PCMT1: variants seen among roughly 807,000 people sequenced by gnomAD.
PCMT1 encodes protein-L-isoaspartate(D-aspartate) O-methyltransferase.
A neutral mutation model predicts 29.2 loss-of-function variants in PCMT1; 9 were observed. That is an observed-to-expected ratio of 0.31 (90% confidence interval 0.19 to 0.54). The LOEUF (loss-of-function observed/expected upper bound fraction) is 0.54, where lower values mean the gene tolerates loss of function less well. Among genes scored for constraint, PCMT1 ranks in the 20% least tolerant of loss-of-function variants. The pLI, the probability that PCMT1 is intolerant of heterozygous loss-of-function variation, is 0.95. For synonymous variants in PCMT1, 98 were observed against 97.5 expected, an observed-to-expected ratio of 1.00 and a Z score of -0.03; for missense variants, 184 against 282.2, an observed-to-expected ratio of 0.65 and a Z score of 2.49.
Position 149,751,964 on chromosome 6 carries a change from C to G in PCMT1, c.55+2008C>G, listed in dbSNP as rs144713977. Among the ~76,000 whole-genome samples, 11 of 150,420 alleles carry G rather than the reference C, an allele frequency of 7.3e-5. No individual in the cohort carries two copies. In the East Asian group the frequency reaches 2.2e-3, roughly 29 times the overall value. ...CTCGGCTCACTGCAACCCCTGCTTT[C>G]TGTGCTCAAGCGATTTTCCCACTTC... is the stretch of plus-strand genomic sequence containing the variant. On this transcript the variant is annotated intron_variant, in intron 1 of 7. Coordinates refer to ENST00000464889, the MANE Select transcript of PCMT1 (RefSeq NM_001360452.2).
At chr6:149,802,471 A>G (rs1775867596) in intron 7 of PCMT1, 55 bp downstream of exon 7, 6 of 1,390,212 alleles carry the variant, frequency 4.3e-6, no homozygotes, top group Non-Finnish European at 5.6e-6. Context: ...TTTGGTTGTC[A>G]CCTTTATGCT....
At chr6:149,807,670 CTATTTT>C (rs1394775452) in intron 7 of PCMT1, among the ~76,000 whole-genome samples, 4 of 152,184 alleles carry the variant, frequency 2.6e-5, no homozygotes, top group African/African-American at 7.2e-5. Flanking sequence ...CACACCCAGA[CTATTTT>C]TGTTTTTAGT....
chr6:149,773,639 A>G (rs1019605650), intron 3 of PCMT1, among the ~76,000 whole-genome samples: 4 of 152,194 alleles, frequency 2.6e-5, no homozygotes, highest in African/African-American at 9.6e-5. Context: ...TCGGCCTCCC[A>G]AAGTGCTGGG....
chr6:149,759,588 T>C (rs1261724935), intron 1 of PCMT1, among the ~76,000 whole-genome samples: 3 of 152,004 alleles, frequency 2.0e-5, no homozygotes, highest in African/African-American at 7.2e-5. Context: ...TCCGCCTCCC[T>C]TGTTCAAGTG....
At chr6:149,754,886 G>A (rs1188674811) in intron 1 of PCMT1, among the ~76,000 whole-genome samples, 2 of 152,110 alleles carry the variant, frequency 1.3e-5, no homozygotes, top group African/African-American at 4.8e-5. Flanking sequence ...CTTAATAATG[G>A]ACCCAAAGTG....
intron 3 of PCMT1, among the ~76,000 whole-genome samples, chr6:149,779,307 G>A (rs1787714619): frequency 6.6e-6 from 1 of 152,126 alleles, no homozygotes; most frequent in African/African-American, 2.4e-5. Flanking sequence ...GCTTCTGCAA[G>A]TACCCTTCCT....
Position 149,810,903 on chromosome 6 carries a change from G to A in PCMT1, c.*325G>A, listed in dbSNP as rs1202263959. On this transcript the variant is annotated 3_prime_UTR_variant, in exon 8 of 8. Transcript: ENST00000464889. ...ATTAAAAGAAAGGGTTCTGTAAAAT[G>A]GAAAACTTAGTTTGTGAATTGATTT... The A allele has an allele frequency of 3.0e-6, 1 of 330,394 alleles. No homozygotes were observed. Among genetic ancestry groups the A allele is most frequent in the Non-Finnish European group, 5.5e-6 (1 of 183,056 alleles). 20.5% of individuals were successfully genotyped at this position (330,394 alleles called of 1,614,324 possible). A position where few individuals can be genotyped will look rare whatever the true frequency, so the allele number is the denominator to read the frequency against.
At chr6:149,751,476 C>CTTTTTTTTTTT (rs76128652) in intron 1 of PCMT1, among the ~76,000 whole-genome samples, 1 of 116,558 alleles carries the variant, frequency 8.6e-6, no homozygotes, top group Non-Finnish European at 1.7e-5. Flanking sequence ...ATGGTTGGTA[C>CTTTTTTTTTTT]TTTTTTTTTT....
Position 149,805,936 on chromosome 6 carries a change from T to C in PCMT1, c.*37+3520T>C, listed in dbSNP as rs894516662. ...AACCTGGCGACAGAGTAAGACTCTG[T>C]CTCAAAAAAAAAAAAAAAAAATTGA... On this transcript the variant is annotated intron_variant, in intron 7 of 7. Coordinates refer to ENST00000464889, the MANE Select transcript of PCMT1 (RefSeq NM_001360452.2). Among the ~76,000 whole-genome samples, 4 of 123,272 alleles carry C rather than the reference T, an allele frequency of 3.2e-5. No individual in the cohort carries two copies. The East Asian group carries it at 9.6e-4, about 29-fold the overall frequency. 80.9% of individuals were successfully genotyped at this position (123,272 alleles called of 152,430 possible). A position where few individuals can be genotyped will look rare whatever the true frequency, so the allele number is the denominator to read the frequency against.
chr6:149,776,897 T>C (rs1342578739), intron 3 of PCMT1, among the ~76,000 whole-genome samples: 1 of 152,194 alleles, frequency 6.6e-6, no homozygotes, highest in African/African-American at 2.4e-5. Context: ...TGGCAGTATC[T>C]ATCGAAATGT....
chr6:149,809,258 C>CAA (rs1209712068), intron 7 of PCMT1, among the ~76,000 whole-genome samples: 632 of 45,440 alleles, frequency 0.014, 81 homozygotes, highest in African/African-American at 0.039. Flanking sequence ...GACTCTGTCT[C>CAA]AAAAAAAAAA....
chr6:149,785,450 C>T lies in PCMT1; in HGVS notation c.193-4504C>T, dbSNP rs1423886548. On this transcript the variant is annotated intron_variant, in intron 3 of 7. Transcript: ENST00000464889. Reference sequence around the variant, plus strand: ...TTATTGATCATTCTTGGGTGTTTCTCGCAGAGGGGGATTTGGCAGGGTCAT... The same window carrying T: ...TTATTGATCATTCTTGGGTGTTTCTTGCAGAGGGGGATTTGGCAGGGTCAT... Among the ~76,000 whole-genome samples the T allele has an allele frequency of 1.3e-4, 18 of 142,552 alleles. No individual in the cohort carries two copies. In the South Asian group the frequency reaches 3.9e-3, roughly 31 times the overall value. The allele number at this position is 142,552 out of a possible 152,430, so 93.5% of individuals were successfully genotyped here.
chr6:149,795,570 CA>C, intron 5 of PCMT1: 1 of 522,596 alleles, frequency 1.9e-6, no homozygotes, highest in Admixed American at 2.5e-5. Flanking sequence ...CAACTTTACA[CA>C]ACCCAATGAG....
intron 7 of PCMT1, among the ~76,000 whole-genome samples, chr6:149,808,871 C>A (rs1230527995): frequency 6.6e-6 from 1 of 151,814 alleles, no homozygotes; most frequent in Non-Finnish European, 1.5e-5. Flanking sequence ...CTCCTGACCT[C>A]ATGATCCGCC....
rs1343752042 is a variant in PCMT1, at chr6:149,749,852, C to T, written c.-50C>T. ...TCACTCTTGGGAAAACTGCTGGGCA[C>T]CGTCGTCGCGCTGAAGGTGGTTCTG... is the stretch of plus-strand genomic sequence containing the variant. On this transcript the variant is annotated 5_prime_UTR_variant, in exon 1 of 8. Coordinates refer to ENST00000464889, the MANE Select transcript of PCMT1 (RefSeq NM_001360452.2). 2.5e-6 allele frequency: 4 copies of T among 1,586,498 alleles called. No individual in the cohort carries two copies. The highest frequency in any genetic ancestry group is 3.4e-6 in the Non-Finnish European group (4 of 1,166,412).
intron 1 of PCMT1, among the ~76,000 whole-genome samples, chr6:149,767,034 C>T (rs995760854): frequency 1.3e-5 from 2 of 151,988 alleles, no homozygotes; most frequent in African/African-American, 4.8e-5. Context: ...CACAGTGAAA[C>T]CCTGTCTCTG....
intron 1 of PCMT1, chr6:149,750,211 TC>T: frequency 1.8e-6 from 1 of 558,992 alleles, no homozygotes. Flanking sequence ...GGCAGTCGTC[TC>T]CCTGCAGGCC....
At chr6:149,806,206 A>G (rs1776009826) in intron 7 of PCMT1, among the ~76,000 whole-genome samples, 1 of 152,166 alleles carries the variant, frequency 6.6e-6, no homozygotes, top group African/African-American at 2.4e-5. Context: ...GACTGCTCTC[A>G]TGGAGCTTAC....
chr6:149,760,891 A>G (rs1786710613), intron 1 of PCMT1, among the ~76,000 whole-genome samples: 1 of 152,182 alleles, frequency 6.6e-6, no homozygotes, highest in Non-Finnish European at 1.5e-5. Context: ...TGGAAGTTGT[A>G]TCCATAATTT....
Sources: allele counts gnomAD v4.1 joint callset (sites outside exome capture counted in the v4.1 genomes callset), GRCh38; gene constraint gnomAD v4.1.1; transcripts MANE v1.5; gene names NCBI Gene and HGNC (gene_info 2026-07-23, HGNC 2026-07-21).